SPDYE1: variants seen among roughly 807,000 people sequenced by gnomAD.
SPDYE1 encodes the protein speedy protein E1.
A neutral mutation model predicts 45.9 loss-of-function variants in SPDYE1; 29 were observed. The ratio of observed to expected loss-of-function variants is 0.63; its 90% CI spans 0.47 to 0.86. The LOEUF (loss-of-function observed/expected upper bound fraction) is 0.86, where lower values mean the gene tolerates loss of function less well. SPDYE1 is among the 40% of genes least tolerant of loss of function. SPDYE1 has a pLI of 0.00. For synonymous variants in SPDYE1, 134 were observed against 176.8 expected (o/e 0.76, Z 1.92); for missense variants, 346 against 481.4 (o/e 0.72, Z 2.63).
intron 3 of SPDYE1, among the ~76,000 whole-genome samples, chr7:44,002,022 A>T (rs1242841767): frequency 6.6e-6 from 1 of 151,142 alleles, no homozygotes; most frequent in Non-Finnish European, 1.5e-5. Flanking sequence ...GAATGGAGGT[A>T]CTGAGGCAGG....
intron 6 of SPDYE1, among the ~76,000 whole-genome samples, chr7:44,005,620 G>GT (rs1273598952): frequency 6.7e-6 from 1 of 150,180 alleles, no homozygotes; most frequent in African/African-American, 2.5e-5. Context: ...GGAGGTTGCA[G>GT]TAAGCTAAGG....
Position 44,009,606 on chromosome 7 carries a change from T to C in SPDYE1, c.*985T>C, listed in dbSNP as rs1207465429. Reference sequence around the variant, plus strand: ...AAATATTATTTTATTTATTTAAATATTTATTAAATATATTTATTTATTTAA... The same window carrying C: ...AAATATTATTTTATTTATTTAAATACTTATTAAATATATTTATTTATTTAA... On this transcript the variant is annotated 3_prime_UTR_variant, in exon 9 of 9. Transcript: ENST00000693451. 2 of 148,446 alleles carry C rather than the reference T, an allele frequency of 1.3e-5. No individual in the cohort carries two copies. The highest frequency in any genetic ancestry group is 6.7e-5 in the Admixed American group (1 of 14,828). 9.2% of individuals were successfully genotyped at this position (148,446 alleles called of 1,614,324 possible). A position where few individuals can be genotyped will look rare whatever the true frequency, so the allele number is the denominator to read the frequency against.
intron 4 of SPDYE1, 22 bp downstream of exon 4, chr7:44,002,839 C>T: frequency 2.2e-6 from 3 of 1,337,412 alleles, no homozygotes; most frequent in Non-Finnish European, 2.0e-6. Context: ...CCCCAGAGAG[C>T]ACCTCCAATC....
intron 3 of SPDYE1, 53 bp from the exon 4 acceptor site, chr7:44,002,537 C>G: frequency 1.3e-6 from 2 of 1,539,262 alleles, no homozygotes; most frequent in Non-Finnish European, 1.7e-6. Context: ...GGGTCGGGCT[C>G]TAGTGTGATC....
Position 44,010,024 on chromosome 7 carries a change from GATGT to G in SPDYE1, c.*1404_*1407del, listed in dbSNP as rs1173659132. ...CATGTTTGTATGTTACTTTAAAGAGGATGTGTGTTCTAAAGGAGGACATGAGCTG... is the reference window on the plus strand; with the variant it reads ...CATGTTTGTATGTTACTTTAAAGAGGGTGTTCTAAAGGAGGACATGAGCTG... On this transcript the variant is annotated 3_prime_UTR_variant, in exon 9 of 9. Coordinates refer to ENST00000693451, the MANE Select transcript of SPDYE1 (RefSeq NM_001378423.2). 18 of 152,154 alleles carry G rather than the reference GATGT, an allele frequency of 1.2e-4. No individual in the cohort carries two copies. Among genetic ancestry groups the G allele is most frequent in the Admixed American group, 5.2e-4 (8 of 15,276 alleles). The allele number at this position is 152,154 out of a possible 1,614,324, so 9.4% of individuals were successfully genotyped here. A position where few individuals can be genotyped will look rare whatever the true frequency, so the allele number is the denominator to read the frequency against.
chr7:44,002,153 CA>C (rs1325383237), intron 3 of SPDYE1, among the ~76,000 whole-genome samples: 13 of 148,350 alleles, frequency 8.8e-5, no homozygotes, highest in Non-Finnish European at 1.5e-5. Context: ...TCTAGAAGCA[CA>C]AAAATGAGCT....
rs2096076001 is a variant in SPDYE1 at position 44,009,333 on chromosome 7, T to G, written c.*712T>G. 1 of 152,578 alleles carries G rather than the reference T, an allele frequency of 6.6e-6. No homozygotes were observed. Among genetic ancestry groups the G allele is most frequent in the Non-Finnish European group, 1.4e-5 (1 of 69,000 alleles). The allele number at this position is 152,578 out of a possible 1,614,324, so 9.5% of individuals were successfully genotyped here. Reference sequence around the variant, plus strand: ...ATCATCTTTAAATTTGTTTCTGTATTATTATATGTGCTCCTGAAGCGAGCA... The same window carrying G: ...ATCATCTTTAAATTTGTTTCTGTATGATTATATGTGCTCCTGAAGCGAGCA... On this transcript the variant is annotated 3_prime_UTR_variant, in exon 9 of 9. Coordinates refer to ENST00000693451, the MANE Select transcript of SPDYE1 (RefSeq NM_001378423.2).
In SPDYE1 at chr7:44,009,629, T is replaced by G. The variant is rs2096076462; in HGVS notation, c.*1008T>G. On this transcript the variant is annotated 3_prime_UTR_variant, in exon 9 of 9. Coordinates refer to ENST00000693451, the MANE Select transcript of SPDYE1 (RefSeq NM_001378423.2). Reference sequence around the variant, plus strand: ...TATTTATTAAATATATTTATTTATTTAAATGTTATTATTACTTTAAATATT... The same window carrying G: ...TATTTATTAAATATATTTATTTATTGAAATGTTATTATTACTTTAAATATT... The G allele has an allele frequency of 6.7e-6, 1 of 148,782 alleles. No homozygotes were observed. Among genetic ancestry groups the G allele is most frequent in the Admixed American group, 6.7e-5 (1 of 14,876 alleles). The allele number at this position is 148,782 out of a possible 1,614,324, so 9.2% of individuals were successfully genotyped here.
chr7:43,999,808 T>A lies in SPDYE1; in HGVS notation c.-142T>A, dbSNP rs2096060195. 1.2e-6 allele frequency: 1 copy of A among 804,622 alleles called. No individual in the cohort carries two copies. Among genetic ancestry groups the A allele is most frequent in the African/African-American group, 2.0e-5 (1 of 51,046 alleles). The allele number at this position is 804,622 out of a possible 1,614,324, so 49.8% of individuals were successfully genotyped here. On this transcript the variant is annotated 5_prime_UTR_variant, in exon 2 of 9. The change creates a new upstream start codon in the 5' untranslated region. Coordinates refer to ENST00000693451, the MANE Select transcript of SPDYE1 (RefSeq NM_001378423.2). ...ACATCAGAGATTCCGACCTTCCTGA[T>A]TGGAGGGACCGGACTCCGTGGTGCC...
At chr7:44,008,245 G>A (rs2096074530) in intron 8 of SPDYE1, among the ~76,000 whole-genome samples, 1 of 152,224 alleles carries the variant, frequency 6.6e-6, no homozygotes, top group Non-Finnish European at 1.5e-5. Flanking sequence ...TCATGAGGAG[G>A]TAGGATTAAG....
At chr7:44,005,620 G>T (rs956588079) in intron 6 of SPDYE1, among the ~76,000 whole-genome samples, 1 of 150,180 alleles carries the variant, frequency 6.7e-6, no homozygotes, top group Non-Finnish European at 1.5e-5. Context: ...GGAGGTTGCA[G>T]TAAGCTAAGG....
At chr7:44,000,418 CAAAAAAAAA>C (rs56132146) in intron 2 of SPDYE1, among the ~76,000 whole-genome samples, 10 of 109,868 alleles carry the variant, frequency 9.1e-5, no homozygotes, top group Non-Finnish European at 1.9e-4. Flanking sequence ...TACTGCACTC[CAAAAAAAAA>C]AAAAAGAAAA....
chr7:44,004,953 G>A lies in SPDYE1; in HGVS notation c.667-189G>A, dbSNP rs1791151173. On this transcript the variant is annotated intron_variant, in intron 5 of 8. Coordinates refer to ENST00000693451, the MANE Select transcript of SPDYE1 (RefSeq NM_001378423.2). The stretch of plus-strand genomic sequence containing the variant: ...AGCATCACCCAAAACCCTTCCTCTG[G>A]CTTCTCGGATTTGCATCCGACCTTC... 3 of 684,424 alleles carry A rather than the reference G, an allele frequency of 4.4e-6. No individual in the cohort carries two copies. The Admixed American group carries it at 6.4e-5, about 15-fold the overall frequency. The allele number at this position is 684,424 out of a possible 1,614,324, so 42.4% of individuals were successfully genotyped here.
chr7:44,002,483 G>C, intron 3 of SPDYE1, 107 bp from the exon 4 acceptor site: 4 of 1,279,224 alleles, frequency 3.1e-6, no homozygotes, highest in Non-Finnish European at 4.3e-6. Context: ...GGAGAAGCCA[G>C]CAGTCTGCGA....
chr7:44,001,748 G>A (rs898688760), intron 3 of SPDYE1, among the ~76,000 whole-genome samples: 6 of 152,052 alleles, frequency 3.9e-5, no homozygotes, highest in Admixed American at 6.6e-5. Flanking sequence ...TCAGTTGTTC[G>A]AGACCAACCA....
intron 8 of SPDYE1, among the ~76,000 whole-genome samples, chr7:44,008,267 T>C (rs1404570169): frequency 6.6e-6 from 1 of 152,258 alleles, no homozygotes; most frequent in Non-Finnish European, 1.5e-5. Flanking sequence ...ATTAGGCTTC[T>C]GGACTTGTGG....
At chr7:44,000,698 AGAAGAATAAAT>A (rs2096061667) in intron 2 of SPDYE1, among the ~76,000 whole-genome samples, 1 of 151,628 alleles carries the variant, frequency 6.6e-6, no homozygotes, top group Admixed American at 6.6e-5. Context: ...AGGCTGAGGC[AGAAGAATAAAT>A]GGAATCCAGG....
intron 3 of SPDYE1, among the ~76,000 whole-genome samples, 197 bp downstream of exon 3, chr7:44,001,481 G>A (rs1216532509): frequency 2.0e-5 from 3 of 152,098 alleles, no homozygotes; most frequent in South Asian, 2.1e-4. Flanking sequence ...AAAGGTTGGC[G>A]CTTGGGATGA....
chr7:44,006,806 G>A lies in SPDYE1; in HGVS notation c.753-462G>A, dbSNP rs540427388. 4.6e-3 allele frequency among the ~76,000 whole-genome samples: 701 copies of A among 152,280 alleles called. 7 individuals carry two copies. Among genetic ancestry groups the A allele is most frequent in the African/African-American group, 0.015 (620 of 41,548 alleles). On this transcript the variant is annotated intron_variant, in intron 6 of 8. Transcript: ENST00000693451. ...TTTTTGTATTTTTAGTAGAGATGGG[G>A]TTTCTCCGTGTTGACCAGGCTGGTC...
Sources: allele counts gnomAD v4.1 joint callset (sites outside exome capture counted in the v4.1 genomes callset), GRCh38; gene constraint gnomAD v4.1.1; transcripts MANE v1.5; gene names NCBI Gene and HGNC (gene_info 2026-07-23, HGNC 2026-07-21).